Variants in PLXDC2 observed in about 807,000 individuals in gnomAD.
The protein encoded by PLXDC2 is plexin domain containing 2.
In PLXDC2, 40 loss-of-function variants were observed where a neutral mutation model predicts 68.9. The observed-to-expected ratio is 0.58, with a 90% CI of 0.45 to 0.76. The LOEUF (loss-of-function observed/expected upper bound fraction) is 0.76. Among genes scored for constraint, PLXDC2 ranks in the 30% least tolerant of loss-of-function variants. The pLI is 0.00. For missense variants in PLXDC2, 644 were observed against 661.9 expected (o/e 0.97, Z 0.30); for synonymous variants, 243 against 234.2 (o/e 1.04, Z -0.34).
chr10:20,122,105 A>G (rs1441363711), intron 4 of PLXDC2, among the ~76,000 whole-genome samples: 1 of 151,916 alleles, frequency 6.6e-6, no homozygotes, highest in Non-Finnish European at 1.5e-5. Flanking sequence ...ATAGTCAGGG[A>G]AGCAGATAAT....
In PLXDC2 at chr10:20,171,946, G is replaced by A. The variant is rs929154074; in HGVS notation, c.884-5053G>A. ...AAGAAAGACACTGGAGACTGGGAAG[G>A]GTGGGAGCAGGGAGAGGGTTTGGGG... On this transcript the variant is annotated intron_variant, in intron 7 of 13. Coordinates refer to ENST00000377252, the MANE Select transcript of PLXDC2 (RefSeq NM_032812.9). Among the ~76,000 whole-genome samples the A allele has an allele frequency of 2.0e-5, 3 of 152,072 alleles. No individual in the cohort carries two copies. The East Asian group carries it at 5.8e-4, about 29-fold the overall frequency.
intron 4 of PLXDC2, among the ~76,000 whole-genome samples, chr10:20,101,902 A>T (rs1833426883): frequency 6.6e-6 from 1 of 151,710 alleles, no homozygotes; most frequent in Admixed American, 6.6e-5. Flanking sequence ...GGTTCGAGCA[A>T]TTCTCCCGCC....
At chr10:20,084,878 A>AG (rs1365589881) in intron 4 of PLXDC2, among the ~76,000 whole-genome samples, 11 of 108,502 alleles carry the variant, frequency 1.0e-4, no homozygotes, top group Admixed American at 4.9e-4. Context: ...GCCGTGGCAG[A>AG]GGAAAAAAAA....
At chr10:20,134,676 G>A (rs143668616) in intron 4 of PLXDC2, among the ~76,000 whole-genome samples, 39 of 152,278 alleles carry the variant, frequency 2.6e-4, no homozygotes, top group South Asian at 6.2e-4. Flanking sequence ...AGGCGCTTAC[G>A]TGAAGCCTAG....
chr10:19,850,171 C>T (rs1837087239), intron 1 of PLXDC2, among the ~76,000 whole-genome samples: 1 of 151,972 alleles, frequency 6.6e-6, no homozygotes, highest in Admixed American at 6.6e-5. Context: ...CACTGCCTGA[C>T]TTCACTGACA....
chr10:19,933,962 G>C (rs930264548), intron 1 of PLXDC2, among the ~76,000 whole-genome samples: 1 of 152,118 alleles, frequency 6.6e-6, no homozygotes, highest in African/African-American at 2.4e-5. Flanking sequence ...AAATTACTTT[G>C]AGCAATCATT....
intron 1 of PLXDC2, among the ~76,000 whole-genome samples, chr10:19,963,629 T>C (rs1053281821): frequency 2.6e-5 from 4 of 151,994 alleles, no homozygotes; most frequent in Non-Finnish European, 5.9e-5. Context: ...TAGGTGGGAA[T>C]TGAACAATGA....
rs1836077199 is a variant in PLXDC2, at chr10:20,281,137, T to C, written c.*1318T>C. The C allele has an allele frequency of 6.6e-6, 1 of 152,136 alleles. No homozygotes were observed. Among genetic ancestry groups the C allele is most frequent in the African/African-American group, 2.4e-5 (1 of 41,440 alleles). 9.4% of individuals were successfully genotyped at this position (152,136 alleles called of 1,614,324 possible). Reference sequence around the variant, plus strand: ...GTTCTTGACTATTTGATCCACTTTTTCGTTTATGTCAACCCCTTCCCTCTC... The same window carrying C: ...GTTCTTGACTATTTGATCCACTTTTCCGTTTATGTCAACCCCTTCCCTCTC... On this transcript the variant is annotated 3_prime_UTR_variant, in exon 14 of 14. Coordinates refer to ENST00000377252, the MANE Select transcript of PLXDC2 (RefSeq NM_032812.9).
intron 3 of PLXDC2, among the ~76,000 whole-genome samples, chr10:20,056,378 A>G (rs2131694274): frequency 6.6e-6 from 1 of 152,328 alleles, no homozygotes; most frequent in East Asian, 1.9e-4. Flanking sequence ...CTGGTCTACC[A>G]GCCTGGAAGC....
At chr10:20,025,190 A>ATTGC (rs1350914061) in intron 2 of PLXDC2, among the ~76,000 whole-genome samples, 2 of 152,042 alleles carry the variant, frequency 1.3e-5, no homozygotes, top group Admixed American at 1.3e-4. Context: ...CAGTAGCTAA[A>ATTGC]CTAATTTACA....
At chr10:20,141,908 CAA>C (rs1017100064) in intron 4 of PLXDC2, among the ~76,000 whole-genome samples, 108 of 151,926 alleles carry the variant, frequency 7.1e-4, no homozygotes, top group African/African-American at 2.5e-3. Flanking sequence ...ACATAAGAAA[CAA>C]AAAGTCATGA....
chr10:19,969,056 A>C (rs1455729569), intron 1 of PLXDC2, among the ~76,000 whole-genome samples: 1 of 152,232 alleles, frequency 6.6e-6, no homozygotes, highest in Admixed American at 6.5e-5. Context: ...TTTAATATAC[A>C]ATATACATGC....
chr10:20,127,113 AC>A (rs919009877), intron 4 of PLXDC2, among the ~76,000 whole-genome samples: 38 of 151,760 alleles, frequency 2.5e-4, no homozygotes, highest in African/African-American at 8.7e-4. Context: ...GAAGGAATAG[AC>A]TCTCGATTTG....
intron 1 of PLXDC2, among the ~76,000 whole-genome samples, chr10:19,877,549 T>TA (rs1488116066): frequency 6.6e-6 from 1 of 152,210 alleles, no homozygotes; most frequent in Non-Finnish European, 1.5e-5. Flanking sequence ...ACTTTTACTT[T>TA]AAAAAGTAAA....
At chr10:20,216,401 T>C (rs2131862474) in intron 10 of PLXDC2, among the ~76,000 whole-genome samples, 1 of 152,170 alleles carries the variant, frequency 6.6e-6, no homozygotes, top group South Asian at 2.1e-4. Flanking sequence ...GGCTCAGAGG[T>C]GCAGGAACTG....
intron 9 of PLXDC2, among the ~76,000 whole-genome samples, chr10:20,210,842 A>G (rs992299888): frequency 6.6e-6 from 1 of 152,202 alleles, no homozygotes; most frequent in African/African-American, 2.4e-5. Context: ...ATACACAACA[A>G]GTACTGCTAA....
At chr10:20,115,695 T>C (rs1339593328) in intron 4 of PLXDC2, among the ~76,000 whole-genome samples, 1 of 152,216 alleles carries the variant, frequency 6.6e-6, no homozygotes, top group Non-Finnish European at 1.5e-5. Context: ...TTCCCATATC[T>C]AAAATTTGTG....
chr10:19,966,371 A>T (rs1285867631), intron 1 of PLXDC2, among the ~76,000 whole-genome samples: 1 of 147,326 alleles, frequency 6.8e-6, no homozygotes, highest in African/African-American at 2.5e-5. Flanking sequence ...ACATATATAA[A>T]AAATATATAT....
chr10:20,213,563 A>G (rs1460963570), intron 10 of PLXDC2, among the ~76,000 whole-genome samples: 12 of 152,130 alleles, frequency 7.9e-5, no homozygotes, highest in Admixed American at 7.9e-4. Context: ...TAATCCATCT[A>G]TCAATACATC....
Sources: allele counts gnomAD v4.1 joint callset (sites outside exome capture counted in the v4.1 genomes callset), GRCh38; gene constraint gnomAD v4.1.1; transcripts MANE v1.5; gene names NCBI Gene and HGNC (gene_info 2026-07-23, HGNC 2026-07-21).